The following NUDT17 variants were observed in gnomAD, a reference collection of about 807,000 sequenced individuals.
NUDT17 encodes nudix hydrolase 17.
In NUDT17, 38 loss-of-function variants were observed where a neutral mutation model predicts 38.6. The ratio of observed to expected loss-of-function variants is 0.98; its 90% confidence interval spans 0.76 to 1.29. The LOEUF is 1.29. Ranked by LOEUF, NUDT17 falls within the 50% of genes most tolerant of loss-of-function variation. NUDT17 has a pLI of 0.00. For missense variants in NUDT17, 462 were observed against 415.2 expected, an observed-to-expected ratio of 1.11 and a Z score of -0.98; for synonymous variants, 192 against 167.8, an observed-to-expected ratio of 1.14 and a Z score of -1.11.
Position 145,848,375 on chromosome 1 carries a change from A to C in NUDT17, c.885-2A>C. ...ACAACCTCTCTTGGAATTCCTCCAC[A>C]GAACACCCCCACCGTGTAAAAGTGC... On this transcript the variant is annotated splice_acceptor_variant, in intron 7 of 7. Transcript: ENST00000334513. LOFTEE classifies it high-confidence loss of function. 1 of 1,613,780 alleles carries C rather than the reference A, an allele frequency of 6.2e-7. No homozygotes were observed. The highest frequency in any genetic ancestry group is 1.1e-5 in the South Asian group (1 of 91,068).
chr1:145,847,988 T>A, intron 6 of NUDT17, 124 bp from the exon 7 acceptor site: 4 of 1,134,022 alleles, frequency 3.5e-6, no homozygotes, highest in Non-Finnish European at 5.1e-6. Flanking sequence ...CTGTTTCCTT[T>A]CTGCAAATGA....
Position 145,847,536 on chromosome 1 carries a change from A to G in NUDT17, c.595-47A>G, listed in dbSNP as rs373599576. 4.2e-5 allele frequency: 68 copies of G among 1,604,472 alleles called. No individual in the cohort carries two copies. The African/African-American group carries it at 7.6e-4, about 18-fold the overall frequency. ...GGGTAGGTTTTGATCACGAACAGGC[A>G]GCCCAGGGAGAGGCAATGACTGAGG... On this transcript the variant is annotated intron_variant, in intron 5 of 7. Coordinates refer to ENST00000334513, the MANE Select transcript of NUDT17 (RefSeq NM_001012758.3).
At chr1:145,846,776 C>A in intron 4 of NUDT17, 86 bp downstream of exon 4, 1 of 915,930 alleles carries the variant, frequency 1.1e-6, no homozygotes, top group Non-Finnish European at 1.8e-6. Context: ...CATAAGTGGG[C>A]TGGAATCCCC....
chr1:145,846,803 C>T, intron 4 of NUDT17, 113 bp downstream of exon 4: 1 of 777,718 alleles, frequency 1.3e-6, no homozygotes, highest in Middle Eastern at 2.7e-4. Flanking sequence ...ATAACCCTCA[C>T]CCATGTCCCT....
At chr1:145,848,339 A>G in intron 7 of NUDT17, 38 bp from the exon 8 acceptor site, 1 of 1,612,676 alleles carries the variant, frequency 6.2e-7, no homozygotes, top group Non-Finnish European at 8.5e-7. Flanking sequence ...CACGGGGGAA[A>G]GCAGGAAAGG....
At chr1:145,845,866 GAAGGGCC>G in intron 1 of NUDT17, 34 bp downstream of exon 1, 1 of 1,553,598 alleles carries the variant, frequency 6.4e-7, no homozygotes, top group Non-Finnish European at 8.7e-7. Context: ...CGGGGGCAGT[GAAGGGCC>G]AAAGATGGGG....
rs587613935 is a variant in NUDT17 at position 145,846,099 on chromosome 1, G to A, written c.279G>A (p.Leu93=). 3 of 1,603,146 alleles carry A rather than the reference G, an allele frequency of 1.9e-6. No individual in the cohort carries two copies. The highest frequency in any genetic ancestry group is 3.3e-4 in the Middle Eastern group (2 of 6,052). The change falls in exon 2 of 8, where the codon CTG becomes CTA. Residue 93 remains leucine (L), a synonymous_variant. Transcript: ENST00000334513. ...TGCCCACAGATCGAGGTGTGGACCTGGGTGTGGCCGTCATTCTGCAGTCCA... is the reference window on the plus strand; with the variant it reads ...TGCCCACAGATCGAGGTGTGGACCTAGGTGTGGCCGTCATTCTGCAGTCCA... The part of the protein sequence containing the change: ...AELPTDRGVD[L]GVAVILQSSD...
At position 145,848,161 on chromosome 1, in the gene NUDT17, A is replaced by G. The variant is rs2101673842; in HGVS notation, c.781A>G (p.Met261Val). 6.2e-7 allele frequency: 1 copy of G among 1,614,224 alleles called. No homozygotes were observed. The highest frequency in any genetic ancestry group is 2.2e-5 in the East Asian group (1 of 44,886). ...DGRARPLVLH[M>V]STLLRMIPTM... ...AAGAGCCCGACCTCTGGTCCTGCAC[A>G]TGTCCACCCTCCTGCGGATGATCCC... Residue 261 changes from methionine to valine, a missense_variant, in exon 7 of 8, where the codon ATG (methionine) becomes GTG (valine). Physicochemically the swap from Met to Val is conservative, Grantham distance 21 (BLOSUM62 1). Coordinates refer to ENST00000334513, the MANE Select transcript of NUDT17 (RefSeq NM_001012758.3).
At chr1:145,846,786 C>G in intron 4 of NUDT17, 96 bp downstream of exon 4, 1 of 856,544 alleles carries the variant, frequency 1.2e-6, no homozygotes, top group Middle Eastern at 2.3e-4. Context: ...CTGGAATCCC[C>G]AAATCCATAA....
chr1:145,848,166 C>G lies in NUDT17; in HGVS notation c.786C>G (p.Ser262=). ...GRARPLVLHM[S]TLLRMIPTMA... ...CCCGACCTCTGGTCCTGCACATGTC[C>G]ACCCTCCTGCGGATGATCCCAACCA... The change falls in exon 7 of 8, where the codon TCC becomes TCG. Residue 262 remains serine (S), a synonymous_variant. Transcript: ENST00000334513. The G allele has an allele frequency of 6.2e-7, 1 of 1,614,174 alleles. No individual in the cohort carries two copies. Among genetic ancestry groups the G allele is most frequent in the South Asian group, 1.1e-5 (1 of 91,082 alleles).
rs782762413 is a variant in NUDT17, at chr1:145,846,453, G to A, written c.397G>A (p.Glu133Lys). The change falls in exon 3 of 8, where the codon GAG (glutamate) becomes AAG (lysine). Residue 133 changes from glutamate (E) to lysine (K), a missense_variant. Coordinates refer to ENST00000334513, the MANE Select transcript of NUDT17 (RefSeq NM_001012758.3). ...VPPGGHVELE[E>K]ELLDGGLREL... ...TGCAGGTGGGCACGTGGAACTTGAG[G>A]AGGAGGTAACCAGTCAGCTGATCCA... is the stretch of plus-strand genomic sequence containing the variant. 2.5e-6 allele frequency: 4 copies of A among 1,613,548 alleles called. No individual in the cohort carries two copies. The highest frequency in any genetic ancestry group is 2.5e-6 in the Non-Finnish European group (3 of 1,179,656).
chr1:145,848,202 CAAAG>C lies in NUDT17; in HGVS notation c.824_827del (p.Lys275ArgfsTer56), dbSNP rs782326909. ...GGATGATCCCAACCATGGCAGAGGA[CAAAG>C]AGAGAGTCAGCACTGGAACCAAGTT... On this transcript the variant is annotated frameshift_variant, in exon 7 of 8. Coordinates refer to ENST00000334513, the MANE Select transcript of NUDT17 (RefSeq NM_001012758.3). LOFTEE classifies it high-confidence loss of function. The C allele has an allele frequency of 4.3e-6, 7 of 1,614,198 alleles. No individual in the cohort carries two copies. The highest frequency in any genetic ancestry group is 4.0e-5 in the African/African-American group (3 of 75,046).
chr1:145,845,941 C>A, intron 1 of NUDT17, 72 bp from the exon 2 acceptor site: 1 of 1,537,278 alleles, frequency 6.5e-7, no homozygotes, highest in Non-Finnish European at 8.8e-7. Flanking sequence ...CGGTGTAGCC[C>A]CATTTTTGGA....
intron 2 of NUDT17, 96 bp downstream of exon 2, chr1:145,846,292 C>A: frequency 1.6e-5 from 23 of 1,471,702 alleles, no homozygotes; most frequent in Non-Finnish European, 2.2e-5. Context: ...TAAAGTGGGC[C>A]CCAAAATGTG....
chr1:145,847,385 G>A, intron 5 of NUDT17, 37 bp downstream of exon 5: 1 of 1,502,958 alleles, frequency 6.7e-7, no homozygotes, highest in Non-Finnish European at 9.2e-7. Context: ...CAGGGCTCAG[G>A]GGAGCCCAAG....
intron 2 of NUDT17, 84 bp downstream of exon 2, chr1:145,846,280 G>T (rs1553732470): frequency 1.3e-6 from 2 of 1,487,020 alleles, no homozygotes; most frequent in Admixed American, 3.9e-5. Flanking sequence ...GTCTCAGAAG[G>T]ATAAAGTGGG....
Position 145,845,768 on chromosome 1 carries a change from A to G in NUDT17, c.128A>G (p.Lys43Arg). ...ACGTGGCCCATTCACTGCAGCTTGA[A>G]GCGAGGACGGCTTGTCCTCTCGAGC... The part of the protein sequence containing the change: ...LGTWPIHCSL[K>R]RGRLVLSSRP... Residue 43 changes from lysine (K) to arginine (R), a missense_variant, in exon 1 of 8, where the codon AAG becomes AGG. Physicochemically the swap from Lys to Arg is conservative, Grantham distance 26. Transcript: ENST00000334513. 1.9e-6 allele frequency: 3 copies of G among 1,586,296 alleles called. No homozygotes were observed. Among genetic ancestry groups the G allele is most frequent in the Non-Finnish European group, 1.7e-6 (2 of 1,166,928 alleles).
intron 2 of NUDT17, 47 bp downstream of exon 2, chr1:145,846,243 C>T: frequency 2.0e-6 from 3 of 1,534,822 alleles, no homozygotes; most frequent in East Asian, 2.4e-5. Context: ...AGAAATTTGC[C>T]CTTTCCCCGC....
chr1:145,848,030 G>T, intron 6 of NUDT17, 82 bp from the exon 7 acceptor site: 1 of 1,519,702 alleles, frequency 6.6e-7, no homozygotes, highest in South Asian at 1.2e-5. Context: ...TGTGGTAGTT[G>T]GGAGGATTCG....
Sources: gnomAD v4.1 joint callset for allele counts on GRCh38, gnomAD v4.1.1 for gene constraint, MANE v1.5 for transcripts, NCBI Gene and HGNC (gene_info 2026-07-23, HGNC 2026-07-21) for gene names.